MAU2: variants seen among roughly 807,000 people sequenced by gnomAD.
The protein encoded by MAU2 is MAU2 chromatid cohesion factor homolog.
MAU2 carries 9 observed loss-of-function variants against 89.1 expected under a neutral mutation model. The ratio of observed to expected loss-of-function variants is 0.10; its 90% CI spans 0.06 to 0.18. MAU2 has a LOEUF of 0.18. Among genes scored for constraint, MAU2 ranks in the 10% least tolerant of loss-of-function variants. MAU2 has a pLI of 1.00. For synonymous variants in MAU2, 357 were observed against 343.4 expected (o/e 1.04, Z -0.44); for missense variants, 425 against 803.5 (o/e 0.53, Z 5.69).
In MAU2 at chr19:19,356,165, A is replaced by G. The variant is rs2048176703; in HGVS notation, c.*383A>G. The stretch of plus-strand genomic sequence containing the variant: ...CCAGGGGCACCACGCCTGACTCTCC[A>G]TCACCCAGGCCTTGATGCCGAGCGG... On this transcript the variant is annotated 3_prime_UTR_variant, in exon 19 of 19. Transcript: ENST00000262815. 1.7e-5 allele frequency: 7 copies of G among 423,588 alleles called. No homozygotes were observed. The highest frequency in any genetic ancestry group is 9.0e-5 in the South Asian group (5 of 55,810). 26.2% of individuals were successfully genotyped at this position (423,588 alleles called of 1,614,324 possible).
chr19:19,354,481 G>T, intron 17 of MAU2, 36 bp downstream of exon 17: 2 of 1,574,148 alleles, frequency 1.3e-6, no homozygotes. Context: ...CCCAGCCCCA[G>T]CCTGGCCCTC....
intron 1 of MAU2, among the ~76,000 whole-genome samples, chr19:19,325,473 G>C (rs2061496603): frequency 6.6e-6 from 1 of 151,510 alleles, no homozygotes; most frequent in East Asian, 1.9e-4. Flanking sequence ...ACCACACCCA[G>C]CCTATTTTAT....
intron 1 of MAU2, among the ~76,000 whole-genome samples, chr19:19,327,558 C>G (rs1421000676): frequency 6.6e-6 from 1 of 151,854 alleles, no homozygotes; most frequent in African/African-American, 2.4e-5. Flanking sequence ...ATCTCCTGAC[C>G]TCATGATCCA....
Position 19,356,472 on chromosome 19 carries a change from T to C in MAU2, c.*690T>C, listed in dbSNP as rs1249355078. On this transcript the variant is annotated 3_prime_UTR_variant, in exon 19 of 19. Transcript: ENST00000262815. Reference sequence around the variant, plus strand: ...TTGTAAACACGGGTGTGCATGTGGATGCACACGGGTGTGCGGTGAAGATCT... The same window carrying C: ...TTGTAAACACGGGTGTGCATGTGGACGCACACGGGTGTGCGGTGAAGATCT... 2.3e-5 allele frequency: 5 copies of C among 212,852 alleles called. No homozygotes were observed. Among genetic ancestry groups the C allele is most frequent in the Non-Finnish European group, 4.9e-5 (5 of 102,732 alleles). The allele number at this position is 212,852 out of a possible 1,614,324, so 13.2% of individuals were successfully genotyped here. A position where few individuals can be genotyped will look rare whatever the true frequency, so the allele number is the denominator to read the frequency against.
At chr19:19,346,470 C>T (rs1316458337) in intron 12 of MAU2, among the ~76,000 whole-genome samples, 2 of 152,126 alleles carry the variant, frequency 1.3e-5, no homozygotes. Flanking sequence ...CAGGATGCAA[C>T]CCCAACACCC....
At chr19:19,329,777 G>T (rs1387907016) in intron 1 of MAU2, among the ~76,000 whole-genome samples, 2 of 150,954 alleles carry the variant, frequency 1.3e-5, no homozygotes, top group African/African-American at 4.9e-5. Context: ...GGGCAACATA[G>T]CCAGACCCTG....
At chr19:19,352,707 C>G (rs868808738) in intron 16 of MAU2, 21 of 152,260 alleles carry the variant, frequency 1.4e-4, no homozygotes, top group Admixed American at 4.6e-4. Context: ...TGGAGCAGGG[C>G]AAGGAGGGTT....
At chr19:19,334,218 G>A in intron 1 of MAU2, 1 of 985,054 alleles carries the variant, frequency 1.0e-6, no homozygotes, top group Non-Finnish European at 1.2e-6. Flanking sequence ...ACTTCTGACG[G>A]CAGGTGCTGG....
At chr19:19,322,597 C>T (rs986885172) in intron 1 of MAU2, among the ~76,000 whole-genome samples, 3 of 151,738 alleles carry the variant, frequency 2.0e-5, no homozygotes, top group African/African-American at 7.3e-5. Flanking sequence ...AACCCTGTCT[C>T]AGAAAAAAAA....
intron 16 of MAU2, among the ~76,000 whole-genome samples, chr19:19,350,255 C>G (rs548975352): frequency 2.8e-5 from 4 of 141,498 alleles, no homozygotes; most frequent in African/African-American, 8.0e-5. Context: ...GAGATCATGC[C>G]GCTGCACTCC....
intron 2 of MAU2, 54 bp downstream of exon 2, chr19:19,335,789 A>G (rs2146674814): frequency 1.3e-6 from 2 of 1,593,808 alleles, no homozygotes; most frequent in Non-Finnish European, 1.7e-6. Context: ...ACTTAAATAA[A>G]AAGAATGTAT....
chr19:19,350,133 T>C (rs1387905033), intron 16 of MAU2, among the ~76,000 whole-genome samples: 5 of 149,118 alleles, frequency 3.4e-5, no homozygotes, highest in African/African-American at 1.2e-4. Flanking sequence ...TGTCTCTTAC[T>C]AAAAATACAA....
At chr19:19,335,846 G>T in intron 2 of MAU2, 111 bp downstream of exon 2, 13 of 1,263,774 alleles carry the variant, frequency 1.0e-5, no homozygotes, top group Non-Finnish European at 1.5e-5. Context: ...GTTGAGGCTC[G>T]GCCCACAGAG....
intron 1 of MAU2, among the ~76,000 whole-genome samples, chr19:19,327,581 T>C (rs1456663694): frequency 6.6e-6 from 1 of 152,144 alleles, no homozygotes; most frequent in Non-Finnish European, 1.5e-5. Flanking sequence ...CGCCTCGACC[T>C]GCCAAAGTGC....
chr19:19,322,258 A>G (rs1234119561), intron 1 of MAU2, among the ~76,000 whole-genome samples: 1 of 152,110 alleles, frequency 6.6e-6, no homozygotes, highest in African/African-American at 2.4e-5. Flanking sequence ...TCGGCCTCCC[A>G]CAGTGCTGGG....
chr19:19,329,167 G>C (rs987675397), intron 1 of MAU2: 4 of 454,602 alleles, frequency 8.8e-6, no homozygotes, highest in South Asian at 1.6e-5. Context: ...AGCGTAAGCA[G>C]TTCTTTCATT....
chr19:19,335,080 A>G (rs1040916531), intron 1 of MAU2, among the ~76,000 whole-genome samples: 1 of 152,214 alleles, frequency 6.6e-6, no homozygotes, highest in Non-Finnish European at 1.5e-5. Context: ...ACTTTAGGGC[A>G]CAGTGGTCCC....
chr19:19,336,239 G>C (rs1338319543), intron 3 of MAU2, 52 bp downstream of exon 3: 1 of 1,351,434 alleles, frequency 7.4e-7, no homozygotes, highest in Non-Finnish European at 1.1e-6. Context: ...GTGTCGCTAA[G>C]ACATGACAGC....
chr19:19,333,748 G>A (rs542321832), intron 1 of MAU2, among the ~76,000 whole-genome samples: 1 of 152,338 alleles, frequency 6.6e-6, no homozygotes. Flanking sequence ...GTGTTGACTG[G>A]TCGCCTTGCT....
Sources: gnomAD v4.1 joint callset for allele counts (sites outside exome capture counted in the v4.1 genomes callset) on GRCh38, gnomAD v4.1.1 for gene constraint, MANE v1.5 for transcripts, NCBI Gene and HGNC (gene_info 2026-07-23, HGNC 2026-07-21) for gene names.